The following ANKRD31 variants were observed in gnomAD, a reference collection of about 807,000 sequenced individuals.
ANKRD31 encodes ankyrin repeat domain 31, also known as ankyrin repeat domain-containing protein 31.
Under a neutral mutation model 186.0 loss-of-function variants are expected in ANKRD31, and 147 were observed. The ratio of observed to expected loss-of-function variants is 0.79; its 90% confidence interval spans 0.69 to 0.91. The LOEUF is 0.91. Among genes scored for constraint, ANKRD31 ranks in the 40% least tolerant of loss-of-function variants. The probability of loss-of-function intolerance (pLI) is 0.00; values close to 1 mark genes in which losing one functional copy is unlikely to be tolerated. For missense variants in ANKRD31, 1,986 were observed against 2,148.8 expected (o/e 0.92, Z 1.50); for synonymous variants, 673 against 736.4 (o/e 0.91, Z 1.39).
intron 10 of ANKRD31, among the ~76,000 whole-genome samples, chr5:75,178,231 A>C (rs1753979915): frequency 1.3e-5 from 2 of 152,320 alleles, no homozygotes; most frequent in East Asian, 1.9e-4. Flanking sequence ...CAGATTCATA[A>C]AGCAATTCCT....
chr5:75,203,866 T>A (rs1755982857), intron 5 of ANKRD31, among the ~76,000 whole-genome samples: 1 of 152,104 alleles, frequency 6.6e-6, no homozygotes, highest in South Asian at 2.1e-4. Context: ...AATCCATAAC[T>A]ACATCTTGTA....
rs531097413 is a variant in ANKRD31, at chr5:75,164,715, G to A, written c.1707+4264C>T. 7.8e-4 allele frequency among the ~76,000 whole-genome samples: 119 copies of A among 152,204 alleles called. 1 individual carries two copies. The highest frequency in any genetic ancestry group is 2.7e-3 in the African/African-American group (113 of 41,530). Reference sequence around the variant, plus strand: ...TCTCATGCTCCTTGATCCTGAATTTGACACAAAACATCCAGAGATAAACAC... The same window carrying A: ...TCTCATGCTCCTTGATCCTGAATTTAACACAAAACATCCAGAGATAAACAC... On this transcript the variant is annotated intron_variant, in intron 11 of 25. Transcript: ENST00000506364.
intron 3 of ANKRD31, among the ~76,000 whole-genome samples, chr5:75,216,901 C>G (rs1402722214): frequency 6.6e-6 from 1 of 152,036 alleles, no homozygotes; most frequent in African/African-American, 2.4e-5. Context: ...TAGCTGTGCC[C>G]CAGAGATTCT....
intron 10 of ANKRD31, among the ~76,000 whole-genome samples, chr5:75,176,494 G>A (rs1413552747): frequency 6.6e-6 from 1 of 152,268 alleles, no homozygotes; most frequent in Admixed American, 6.5e-5. Flanking sequence ...AGTAGGGGTG[G>A]ACTGACACCT....
At chr5:75,207,586 A>G (rs1179731957) in intron 4 of ANKRD31, among the ~76,000 whole-genome samples, 1 of 152,144 alleles carries the variant, frequency 6.6e-6, no homozygotes, top group African/African-American at 2.4e-5. Context: ...CAAAATTCAC[A>G]TTTTTAAAAA....
At chr5:75,132,271 A>T (rs987412229) in intron 17 of ANKRD31, among the ~76,000 whole-genome samples, 2 of 152,208 alleles carry the variant, frequency 1.3e-5, no homozygotes, top group African/African-American at 2.4e-5. Context: ...AAACCTTGAA[A>T]GAAGATTAGA....
At chr5:75,186,668 C>T (rs1341397124) in intron 10 of ANKRD31, among the ~76,000 whole-genome samples, 1 of 152,072 alleles carries the variant, frequency 6.6e-6, no homozygotes, top group Non-Finnish European at 1.5e-5. Context: ...TGGCTGTCAC[C>T]TTTGCTTTTG....
rs113471789 is a variant in ANKRD31 at position 75,068,579 on chromosome 5, T to A, written c.5733A>T (p.Pro1911=). 7.2e-6 allele frequency: 11 copies of A among 1,527,872 alleles called. No homozygotes were observed. The East Asian group carries it at 2.5e-4, about 34-fold the overall frequency. 94.6% of individuals were successfully genotyped at this position (1,527,872 alleles called of 1,614,324 possible). A position where few individuals can be genotyped will look rare whatever the true frequency, so the allele number is the denominator to read the frequency against. The change falls in exon 26 of 26, where the codon CCA becomes CCT. Residue 1911 remains proline, a synonymous_variant. Coordinates refer to ENST00000506364, the MANE Select transcript of ANKRD31 (RefSeq NM_001372053.1). ...ILLISDQEFL[P]CHIMDQHWKF... ...TCCAATGCTGATCCATTATGTGGCA[T>A]GGGAGAAATTCTTGATCACTGATTA...
chr5:75,132,542 C>T (rs551867527), intron 17 of ANKRD31, among the ~76,000 whole-genome samples: 7 of 152,246 alleles, frequency 4.6e-5, no homozygotes, highest in South Asian at 2.1e-4. Flanking sequence ...TACATCTGAT[C>T]GGTGTACCTG....
At position 75,122,477 on chromosome 5, in the gene ANKRD31, C is replaced by CA. The variant is rs750666954; in HGVS notation, c.3877-4181dup. On this transcript the variant is annotated intron_variant, in intron 17 of 25. Transcript: ENST00000506364. Reference sequence around the variant, plus strand: ...AAAGTCTGACAAGAACACAAACAAACAGAAAAAAAACTACAGACCAATATC... The same window carrying CA: ...AAAGTCTGACAAGAACACAAACAAACAAGAAAAAAAACTACAGACCAATATC... Among the ~76,000 whole-genome samples, 1,221 of 150,148 alleles carry CA rather than the reference C, an allele frequency of 8.1e-3. 10 individuals carry two copies. Among genetic ancestry groups the CA allele is most frequent in the Non-Finnish European group, 0.012 (837 of 67,476 alleles).
At chr5:75,212,222 A>G (rs1173775677) in intron 3 of ANKRD31, among the ~76,000 whole-genome samples, 4 of 152,034 alleles carry the variant, frequency 2.6e-5, no homozygotes, top group African/African-American at 9.7e-5. Context: ...CTCTTCATTA[A>G]TATGTGATGA....
chr5:75,114,138 T>C (rs1748008014), intron 19 of ANKRD31, among the ~76,000 whole-genome samples: 1 of 152,210 alleles, frequency 6.6e-6, no homozygotes, highest in South Asian at 2.1e-4. Context: ...ATGTTCTTTT[T>C]TTTCAAAAGT....
intron 21 of ANKRD31, among the ~76,000 whole-genome samples, chr5:75,106,513 T>G (rs1226156039): frequency 6.6e-6 from 1 of 152,006 alleles, no homozygotes. Context: ...ATATCAAACT[T>G]AAAACTATGT....
At chr5:75,187,131 T>C (rs1272639924) in intron 10 of ANKRD31, among the ~76,000 whole-genome samples, 1 of 150,972 alleles carries the variant, frequency 6.6e-6, no homozygotes, top group Non-Finnish European at 1.5e-5. Context: ...TGTGTGTGTG[T>C]GTGTGTGTGT....
At chr5:75,193,815 A>C (rs1580531418) in intron 7 of ANKRD31, among the ~76,000 whole-genome samples, 2 of 152,172 alleles carry the variant, frequency 1.3e-5, no homozygotes, top group South Asian at 4.1e-4. Flanking sequence ...AGTAAAAATG[A>C]TTTTGATCAA....
At chr5:75,185,780 C>T (rs1580513552) in intron 10 of ANKRD31, among the ~76,000 whole-genome samples, 1 of 151,562 alleles carries the variant, frequency 6.6e-6, no homozygotes, top group East Asian at 1.9e-4. Flanking sequence ...CACATTGTTC[C>T]CCATAAATAT....
intron 23 of ANKRD31, among the ~76,000 whole-genome samples, chr5:75,088,532 T>C (rs1216796891): frequency 2.0e-5 from 3 of 152,244 alleles, no homozygotes; most frequent in African/African-American, 7.2e-5. Flanking sequence ...AAGTGGGCAA[T>C]AGTTGCTGCA....
At chr5:75,107,411 G>T in intron 21 of ANKRD31, 110 bp downstream of exon 21, 1 of 682,242 alleles carries the variant, frequency 1.5e-6, no homozygotes, top group Non-Finnish European at 2.4e-6. Context: ...GTCATTATTT[G>T]GCCCCAAGCA....
rs1580467467 is a variant in ANKRD31, at chr5:75,167,251, G to A, written c.1707+1728C>T. Among the ~76,000 whole-genome samples the A allele has an allele frequency of 2.0e-5, 3 of 151,656 alleles. No homozygotes were observed. The East Asian group carries it at 5.8e-4, about 29-fold the overall frequency. On this transcript the variant is annotated intron_variant, in intron 11 of 25. Coordinates refer to ENST00000506364, the MANE Select transcript of ANKRD31 (RefSeq NM_001372053.1). ...AGTATCTCTCCCATAAAACAATTAA[G>A]ACCTGTAAGATAATATATTCTAGTT... is the stretch of plus-strand genomic sequence containing the variant.
Sources: gnomAD v4.1 joint callset for allele counts (sites outside exome capture counted in the v4.1 genomes callset) on GRCh38, gnomAD v4.1.1 for gene constraint, MANE v1.5 for transcripts, NCBI Gene and HGNC (gene_info 2026-07-23, HGNC 2026-07-21) for gene names.